The following NCAN variants were observed in gnomAD, a reference collection of about 807,000 sequenced individuals.
NCAN encodes the protein neurocan core protein.
In NCAN, 47 loss-of-function variants were observed where a neutral mutation model predicts 121.8. The ratio of observed to expected loss-of-function variants is 0.39; its 90% CI spans 0.31 to 0.49. NCAN has a LOEUF of 0.49. Ranked by LOEUF, NCAN falls within the 20% of genes least tolerant of loss-of-function variation. The pLI, the probability that NCAN is intolerant of heterozygous loss-of-function variation, is 0.92. For synonymous variants in NCAN, 633 were observed against 702.0 expected, an observed-to-expected ratio of 0.90 and a Z score of 1.55; for missense variants, 1,517 against 1,773.4, an observed-to-expected ratio of 0.86 and a Z score of 2.60.
intron 3 of NCAN, among the ~76,000 whole-genome samples, chr19:19,222,805 G>A (rs191851104): frequency 1.5e-4 from 23 of 151,090 alleles, no homozygotes; most frequent in Admixed American, 2.6e-4. Flanking sequence ...CACATTTCCA[G>A]GCCAGGCAAG....
rs148294163 is a variant in NCAN at position 19,249,961 on chromosome 19, C to G, written c.*50C>G. On this transcript the variant is annotated 3_prime_UTR_variant, in exon 15 of 15. Coordinates refer to ENST00000252575, the MANE Select transcript of NCAN (RefSeq NM_004386.3). ...CACCTTTCCCATGCCTCCTCTGGAG[C>G]CTTCGCCTGGGGAGACAGAACCCAG... 6.5e-5 allele frequency: 102 copies of G among 1,560,386 alleles called. No individual in the cohort carries two copies. Among genetic ancestry groups the G allele is most frequent in the East Asian group, 2.1e-4 (9 of 42,108 alleles).
chr19:19,238,706 T>C, intron 11 of NCAN: 1 of 450,714 alleles, frequency 2.2e-6, no homozygotes, highest in Non-Finnish European at 4.1e-6. Flanking sequence ...AGGCTGACTT[T>C]GCTTTGTCCC....
At chr19:19,238,228 C>A (rs376853023) in intron 10 of NCAN, 25 bp from the exon 11 acceptor site, 13 of 1,613,600 alleles carry the variant, frequency 8.1e-6, no homozygotes, top group Non-Finnish European at 1.0e-5. Context: ...CCAGCCCCCC[C>A]TCACGCTCCT....
intron 3 of NCAN, among the ~76,000 whole-genome samples, chr19:19,219,672 CAAAAAAAAA>C (rs56231208): frequency 2.0e-5 from 1 of 49,256 alleles, no homozygotes; most frequent in African/African-American, 9.2e-5. Context: ...GACCCTGTCA[CAAAAAAAAA>C]AAAAAAAAAA....
At chr19:19,219,402 T>G in intron 3 of NCAN, 86 bp downstream of exon 3, 1 of 1,347,232 alleles carries the variant, frequency 7.4e-7, no homozygotes, top group Non-Finnish European at 9.8e-7. Context: ...ACCTTAGAAA[T>G]CACTCCCTGA....
At chr19:19,214,289 C>A (rs2060788189) in intron 1 of NCAN, among the ~76,000 whole-genome samples, 2 of 152,202 alleles carry the variant, frequency 1.3e-5, no homozygotes. Flanking sequence ...CCCGCAGGCC[C>A]CTGCTTGCAT....
At chr19:19,226,453 G>A in intron 6 of NCAN, 33 bp from the exon 7 acceptor site, 1 of 1,511,978 alleles carries the variant, frequency 6.6e-7, no homozygotes, top group East Asian at 2.3e-5. Context: ...CAACCCCTGG[G>A]CCTAACACAA....
At chr19:19,232,375 C>T (rs779525058) in intron 8 of NCAN, among the ~76,000 whole-genome samples, 10 of 152,332 alleles carry the variant, frequency 6.6e-5, no homozygotes, top group Non-Finnish European at 1.2e-4. Context: ...GTGTCAGCAG[C>T]GCGGGGCACC....
intron 9 of NCAN, among the ~76,000 whole-genome samples, chr19:19,234,109 T>G (rs970097596): frequency 6.6e-6 from 1 of 152,192 alleles, no homozygotes; most frequent in African/African-American, 2.4e-5. Flanking sequence ...TCATCTCTGG[T>G]GTGCTGTCTC....
Position 19,230,788 on chromosome 19 carries a change from G to A in NCAN, c.3019+2149G>A, listed in dbSNP as rs1432926739. ...CAGTTGTTCAGGCTGGAGTGCAGTG[G>A]TGCAATCATAGCTCACTGCACCGAG... On this transcript the variant is annotated intron_variant, in intron 8 of 14. Coordinates refer to ENST00000252575, the MANE Select transcript of NCAN (RefSeq NM_004386.3). Among the ~76,000 whole-genome samples the A allele has an allele frequency of 2.0e-5, 3 of 147,674 alleles. No homozygotes were observed. In the Admixed American group the frequency reaches 2.1e-4, roughly 10 times the overall value.
rs1044193559 is a variant in NCAN at position 19,212,634 on chromosome 19, G to C, written c.-8+570G>C. On this transcript the variant is annotated intron_variant, in intron 1 of 14. Coordinates refer to ENST00000252575, the MANE Select transcript of NCAN (RefSeq NM_004386.3). The surrounding 1 kb of genome is among the most constrained non-coding windows in gnomAD (Gnocchi z 4.5). ...CTCCCTGCCATCTCCCTGTCCTTTT[G>C]GGTCAGGTCCGGTCACCACGTTCTG... 6.6e-6 allele frequency among the ~76,000 whole-genome samples: 1 copy of C among 152,174 alleles called. No homozygotes were observed. Among genetic ancestry groups the C allele is most frequent in the African/African-American group, 2.4e-5 (1 of 41,438 alleles).
In NCAN at chr19:19,212,296, A is replaced by G. The variant is rs1384226408; in HGVS notation, c.-8+232A>G. ...AGGTTGTCCGCGGAATCCGGAGACT[A>G]CCCCCCGGTGGGGAGGGGGCCGGGC... On this transcript the variant is annotated intron_variant, in intron 1 of 14. Coordinates refer to ENST00000252575, the MANE Select transcript of NCAN (RefSeq NM_004386.3). The surrounding 1 kb of genome is among the most constrained non-coding windows in gnomAD (Gnocchi z 4.5). 8.5e-6 allele frequency among the ~76,000 whole-genome samples: 1 copy of G among 117,930 alleles called. No individual in the cohort carries two copies. The highest frequency in any genetic ancestry group is 1.7e-5 in the Non-Finnish European group (1 of 58,618). 77.4% of individuals were successfully genotyped at this position (117,930 alleles called of 152,430 possible).
At chr19:19,241,258 CAA>C (rs55876064) in intron 12 of NCAN, among the ~76,000 whole-genome samples, 22 of 132,370 alleles carry the variant, frequency 1.7e-4, no homozygotes, top group Admixed American at 2.3e-4. Context: ...GATCCTGTCT[CAA>C]AAAAAAAAAA....
intron 12 of NCAN, 55 bp downstream of exon 12, chr19:19,240,740 T>G: frequency 6.4e-7 from 1 of 1,558,390 alleles, no homozygotes; most frequent in Non-Finnish European, 8.8e-7. Context: ...CCCTGCCATC[T>G]GGCCTCAGTT....
rs749170680 is a variant in NCAN, at chr19:19,227,793, A to G, written c.2173A>G (p.Ser725Gly). The G allele has an allele frequency of 2.9e-5, 47 of 1,613,596 alleles. No homozygotes were observed. The highest frequency in any genetic ancestry group is 3.7e-5 in the Non-Finnish European group (44 of 1,180,028). The change falls in exon 8 of 15, where the codon AGC (serine) becomes GGC (glycine). Residue 725 changes from serine to glycine, a missense_variant. Ser to Gly is a moderately conservative substitution (Grantham distance 56). Coordinates refer to ENST00000252575, the MANE Select transcript of NCAN (RefSeq NM_004386.3). The surrounding 1 kb of genome is among the most constrained non-coding windows in gnomAD (Gnocchi z 4.2). ...QVNKAEHSSS[S>G]PWPSVNRNVA... The stretch of plus-strand genomic sequence containing the variant: ...CAACAAAGCTGAGCACTCCAGCTCC[A>G]GCCCATGGCCTTCTGTAAACAGGAA...
At chr19:19,215,811 C>T (rs552541378) in intron 1 of NCAN, among the ~76,000 whole-genome samples, 1 of 152,330 alleles carries the variant, frequency 6.6e-6, no homozygotes, top group Admixed American at 6.5e-5. Flanking sequence ...GGACAGACTG[C>T]TGCCCTCTAG....
chr19:19,214,006 C>T lies in NCAN; in HGVS notation c.-8+1942C>T, dbSNP rs563526115. Among the ~76,000 whole-genome samples the T allele has an allele frequency of 5.3e-5, 8 of 152,236 alleles. No homozygotes were observed. In the South Asian group the frequency reaches 1.2e-3, roughly 24 times the overall value. ...GGTCCCATGTGCTCCACCCGGTGCA[C>T]GGAGCTGCTGCAGGCTCACACACAC... On this transcript the variant is annotated intron_variant, in intron 1 of 14. Coordinates refer to ENST00000252575, the MANE Select transcript of NCAN (RefSeq NM_004386.3).
At chr19:19,246,971 T>A (rs971457651) in intron 13 of NCAN, among the ~76,000 whole-genome samples, 1 of 152,232 alleles carries the variant, frequency 6.6e-6, no homozygotes, top group African/African-American at 2.4e-5. Flanking sequence ...TCTTTATATA[T>A]GAAAGAAATC....
chr19:19,226,141 G>T (rs1177262890), intron 6 of NCAN, among the ~76,000 whole-genome samples: 2 of 152,106 alleles, frequency 1.3e-5, no homozygotes, highest in Admixed American at 1.3e-4. Context: ...TGTTGGCCAG[G>T]CTGGTCTTGA....
Sources: gnomAD v4.1 joint callset for allele counts (sites outside exome capture counted in the v4.1 genomes callset) on GRCh38, gnomAD v4.1.1 for gene constraint, Gnocchi (gnomAD v3.1) non-coding constraint, MANE v1.5 for transcripts, NCBI Gene and HGNC (gene_info 2026-07-23, HGNC 2026-07-21) for gene names.